The following NEGR1 variants were observed in gnomAD, a reference collection of about 807,000 sequenced individuals.
NEGR1 encodes the protein IgLON family member 4.
NEGR1 carries 10 observed loss-of-function variants against 40.9 expected under a neutral mutation model. The observed-to-expected ratio is 0.24, with a 90% CI of 0.15 to 0.42. The LOEUF (loss-of-function observed/expected upper bound fraction) is 0.42. Ranked by LOEUF, NEGR1 falls within the 10% of genes least tolerant of loss-of-function variation. NEGR1 has a pLI of 1.00. For missense variants in NEGR1, 352 were observed against 438.9 expected (o/e 0.80, Z 1.77); for synonymous variants, 185 against 166.8 (o/e 1.11, Z -0.84).
At chr1:72,166,798 A>C in intron 1 of NEGR1, among the ~76,000 whole-genome samples, 1 of 152,136 alleles carries the variant, frequency 6.6e-6, no homozygotes, top group East Asian at 1.9e-4. Context: ...GCTTGACTGC[A>C]TTATTTTAAA....
intron 3 of NEGR1, among the ~76,000 whole-genome samples, chr1:71,698,504 T>A (rs574260830): frequency 1.3e-5 from 2 of 151,914 alleles, no homozygotes. Flanking sequence ...TATTGACTTC[T>A]CTACTGTGTG....
At chr1:72,151,840 T>C (rs886791106) in intron 1 of NEGR1, among the ~76,000 whole-genome samples, 6 of 151,820 alleles carry the variant, frequency 4.0e-5, no homozygotes, top group African/African-American at 1.4e-4. Flanking sequence ...ATTCATAATA[T>C]ATAGTAATCC....
At chr1:72,128,445 G>T (rs894035088) in intron 1 of NEGR1, among the ~76,000 whole-genome samples, 1 of 151,988 alleles carries the variant, frequency 6.6e-6, no homozygotes, top group African/African-American at 2.4e-5. Flanking sequence ...AAACAGAAGT[G>T]CTATCTAACA....
rs185469198 is a variant in NEGR1 at position 71,720,706 on chromosome 1, C to T, written c.536-22567G>A. ...TTTGTCAGACCTAAGGAACTCATAG[C>T]GAGAGAAGCAGATATTGGCAAAATA... On this transcript the variant is annotated intron_variant, in intron 3 of 6. Coordinates refer to ENST00000357731, the MANE Select transcript of NEGR1 (RefSeq NM_173808.3). Among the ~76,000 whole-genome samples the T allele has an allele frequency of 5.5e-4, 84 of 152,092 alleles. 1 individual carries two copies. Among genetic ancestry groups the T allele is most frequent in the South Asian group, 2.7e-3 (13 of 4,816 alleles).
In NEGR1 at chr1:71,402,043, A is replaced by T. The variant is rs1402215873; in HGVS notation, c.*5403T>A. 1.3e-5 allele frequency: 2 copies of T among 151,980 alleles called. No homozygotes were observed. The highest frequency in any genetic ancestry group is 2.9e-5 in the Non-Finnish European group (2 of 67,988). The allele number at this position is 151,980 out of a possible 1,614,324, so 9.4% of individuals were successfully genotyped here. On this transcript the variant is annotated 3_prime_UTR_variant, in exon 7 of 7. Transcript: ENST00000357731. ...ATAAATATATAAATAAAAATATGCA[A>T]ATAGTTGTCTATGAAGCTAGCAATG...
intron 3 of NEGR1, among the ~76,000 whole-genome samples, chr1:71,705,405 TCAA>T (rs1350337856): frequency 3.3e-5 from 5 of 152,214 alleles, no homozygotes; most frequent in African/African-American, 9.6e-5. Context: ...GTGGATTTCA[TCAA>T]CATTTTATAA....
At chr1:72,053,831 G>A (rs1647085299) in intron 1 of NEGR1, among the ~76,000 whole-genome samples, 1 of 150,050 alleles carries the variant, frequency 6.7e-6, no homozygotes. Flanking sequence ...AATTGCAGAA[G>A]ATTAAGTATC....
At chr1:71,985,395 A>C (rs1428778715) in intron 1 of NEGR1, among the ~76,000 whole-genome samples, 1 of 152,172 alleles carries the variant, frequency 6.6e-6, no homozygotes, top group African/African-American at 2.4e-5. Context: ...CACTGTGGTA[A>C]GCACTTTATG....
At chr1:71,794,307 A>C (rs1207619905) in intron 2 of NEGR1, 2 of 152,192 alleles carry the variant, frequency 1.3e-5, no homozygotes, top group Non-Finnish European at 2.9e-5. Context: ...AAGGACCAAG[A>C]GTAGCCAAGA....
chr1:71,597,470 C>CTGTGTGTGTGTGTGTGTGTGTG (rs1365847832), intron 5 of NEGR1, among the ~76,000 whole-genome samples: 5 of 24,794 alleles, frequency 2.0e-4, no homozygotes, highest in African/African-American at 3.7e-4. Flanking sequence ...CTCTCTCTCT[C>CTGTGTGTGTGTGTGTGTGTGTG]TCTGTGTGTG....
At chr1:72,173,793 A>T (rs1652053865) in intron 1 of NEGR1, among the ~76,000 whole-genome samples, 1 of 152,108 alleles carries the variant, frequency 6.6e-6, no homozygotes. Context: ...AATACAAAAA[A>T]TTAGCTGGAC....
chr1:71,838,742 A>G (rs918883077), intron 2 of NEGR1, among the ~76,000 whole-genome samples: 1 of 152,134 alleles, frequency 6.6e-6, no homozygotes, highest in African/African-American at 2.4e-5. Context: ...GAGTATATCA[A>G]GCAATAAGAC....
At chr1:71,857,045 T>C (rs1283708461) in intron 2 of NEGR1, among the ~76,000 whole-genome samples, 2 of 151,872 alleles carry the variant, frequency 1.3e-5, no homozygotes, top group Non-Finnish European at 2.9e-5. Context: ...GTATGTAAAA[T>C]GAAAAGAGCA....
chr1:71,457,378 T>C (rs1646680185), intron 6 of NEGR1, among the ~76,000 whole-genome samples: 1 of 152,212 alleles, frequency 6.6e-6, no homozygotes, highest in Admixed American at 6.5e-5. Flanking sequence ...ATATTTTCCC[T>C]CAGCTCTGTC....
chr1:71,521,789 C>G (rs184306447), intron 6 of NEGR1, among the ~76,000 whole-genome samples: 189 of 152,042 alleles, frequency 1.2e-3, no homozygotes, highest in African/African-American at 4.5e-3. Flanking sequence ...CTACAAAATT[C>G]AAACACAAAT....
chr1:71,657,513 TCATTAG>T (rs1424074986), intron 4 of NEGR1, among the ~76,000 whole-genome samples: 3 of 152,208 alleles, frequency 2.0e-5, no homozygotes, highest in Non-Finnish European at 4.4e-5. Context: ...AGTTTTTTTC[TCATTAG>T]AAATATCCAA....
At chr1:71,797,873 T>C (rs1327111762) in intron 2 of NEGR1, among the ~76,000 whole-genome samples, 2 of 152,074 alleles carry the variant, frequency 1.3e-5, no homozygotes, top group East Asian at 3.8e-4. Context: ...AGATCATTTT[T>C]ATCGAATATC....
At chr1:71,833,768 T>C (rs988144522) in intron 2 of NEGR1, among the ~76,000 whole-genome samples, 3 of 152,084 alleles carry the variant, frequency 2.0e-5, no homozygotes, top group African/African-American at 4.8e-5. Context: ...AGTGCCATTC[T>C]TCATGTGCTT....
At chr1:71,724,285 T>C (rs1455086382) in intron 3 of NEGR1, among the ~76,000 whole-genome samples, 1 of 152,140 alleles carries the variant, frequency 6.6e-6, no homozygotes, top group Non-Finnish European at 1.5e-5. Context: ...CCATACATCG[T>C]AGTTTTTATC....
Sources: allele counts gnomAD v4.1 joint callset (sites outside exome capture counted in the v4.1 genomes callset), GRCh38; gene constraint gnomAD v4.1.1; transcripts MANE v1.5; gene names NCBI Gene and HGNC (gene_info 2026-07-23, HGNC 2026-07-21).